The following SLC25A1 variants were observed in gnomAD, a reference collection of about 807,000 sequenced individuals.
The protein encoded by SLC25A1 is tricarboxylate transport protein, mitochondrial.
A neutral mutation model predicts 38.1 loss-of-function variants in SLC25A1; 26 were observed. The ratio of observed to expected loss-of-function variants is 0.68; its 90% confidence interval spans 0.50 to 0.95. The LOEUF is 0.95. Ranked by LOEUF, SLC25A1 falls within the 40% of genes least tolerant of loss-of-function variation. The probability of loss-of-function intolerance (pLI) is 0.00; values close to 1 mark genes in which losing one functional copy is unlikely to be tolerated. For missense variants in SLC25A1, 378 were observed against 426.6 expected, an observed-to-expected ratio of 0.89 and a Z score of 1.00; for synonymous variants, 211 against 183.2, an observed-to-expected ratio of 1.15 and a Z score of -1.23.
chr22:19,176,355 G>T lies in SLC25A1; in HGVS notation c.821+66C>A, dbSNP rs973997873. 3.8e-6 allele frequency: 6 copies of T among 1,569,720 alleles called. No homozygotes were observed. The African/African-American group carries it at 5.4e-5, about 14-fold the overall frequency. On this transcript the variant is annotated intron_variant, in intron 8 of 8. Coordinates refer to ENST00000215882, the MANE Select transcript of SLC25A1 (RefSeq NM_005984.5). ...CACAGAGGCCTGAAGGGGACAGAGT[G>T]GGCAGGCCAGGTAGGCCGGGAAAGG...
chr22:19,177,578 C>T, intron 4 of SLC25A1, 149 bp downstream of exon 4: 2 of 1,092,784 alleles, frequency 1.8e-6, no homozygotes, highest in Admixed American at 5.1e-5. Context: ...GGCGTCCTGC[C>T]CCAGGGCCCC....
chr22:19,178,330 C>A lies in SLC25A1; in HGVS notation c.95-90G>T. The A allele has an allele frequency of 6.6e-7, 1 of 1,518,286 alleles. No homozygotes were observed. The highest frequency in any genetic ancestry group is 8.8e-7 in the Non-Finnish European group (1 of 1,133,994). 94.1% of individuals were successfully genotyped at this position (1,518,286 alleles called of 1,614,324 possible). ...CGTCCCGGACTTCGGTCGGCGCGGC[C>A]GCCGCGCCAGTGCCGCGGGGAACAT... On this transcript the variant is annotated intron_variant, in intron 1 of 8. Transcript: ENST00000215882. This position sits in a 1 kb window ranked among gnomAD's most constrained non-coding sequence, Gnocchi z 4.9.
Position 19,178,004 on chromosome 22 carries a change from G to C in SLC25A1, c.240C>G (p.Val80=), listed in dbSNP as rs1555923151. The change falls in exon 3 of 9, where the codon GTC becomes GTG. Residue 80 remains valine (V), a synonymous_variant. Coordinates refer to ENST00000215882, the MANE Select transcript of SLC25A1 (RefSeq NM_005984.5). The surrounding 1 kb of genome is among the most constrained non-coding windows in gnomAD (Gnocchi z 4.9). ...AGCTAAGGCCGCGGTACAGGCCCAGGACGCCATGGCTGCGAACCGTCTGCC... is the reference window on the plus strand; with the variant it reads ...AGCTAAGGCCGCGGTACAGGCCCAGCACGCCATGGCTGCGAACCGTCTGCC... ...CVRQTVRSHG[V]LGLYRGLSSL... is the part of the protein sequence containing the mutation. The C allele has an allele frequency of 6.2e-7, 1 of 1,602,888 alleles. No individual in the cohort carries two copies. Among genetic ancestry groups the C allele is most frequent in the South Asian group, 1.1e-5 (1 of 89,464 alleles).
chr22:19,177,067 T>C, intron 5 of SLC25A1, 53 bp downstream of exon 5: 1 of 1,585,000 alleles, frequency 6.3e-7, no homozygotes, highest in Non-Finnish European at 8.7e-7. Context: ...GTGCAGGCCC[T>C]TCCCACCCTG....
rs1555922014 is a variant in SLC25A1 at position 19,175,602 on chromosome 22, C to T, written c.*528G>A. The T allele has an allele frequency of 5.2e-6, 1 of 190,942 alleles. No homozygotes were observed. Among genetic ancestry groups the T allele is most frequent in the African/African-American group, 2.4e-5 (1 of 42,368 alleles). 11.8% of individuals were successfully genotyped at this position (190,942 alleles called of 1,614,324 possible). On this transcript the variant is annotated 3_prime_UTR_variant, in exon 9 of 9. Coordinates refer to ENST00000215882, the MANE Select transcript of SLC25A1 (RefSeq NM_005984.5). Reference sequence around the variant, plus strand: ...AGGCTGCAACAGGATCCGGTTTATTCTGCCTTGGCAGGGTGGTCCTGAGAG... The same window carrying T: ...AGGCTGCAACAGGATCCGGTTTATTTTGCCTTGGCAGGGTGGTCCTGAGAG...
At chr22:19,177,310 TC>T in intron 4 of SLC25A1, 106 bp from the exon 5 acceptor site, 1 of 938,838 alleles carries the variant, frequency 1.1e-6, no homozygotes, top group Non-Finnish European at 1.6e-6. Context: ...TGGGAACTCT[TC>T]CCCAGGAAGC....
chr22:19,176,226 G>A lies in SLC25A1; in HGVS notation c.840C>T (p.Val280=). The A allele has an allele frequency of 6.2e-7, 1 of 1,613,124 alleles. No homozygotes were observed. The highest frequency in any genetic ancestry group is 1.1e-5 in the South Asian group (1 of 91,084). ...EGLKAFYKGT[V]PRLGRVCLDV... Reference sequence around the variant, plus strand: ...CCAGGCAGACCCGGCCCAGGCGGGGGACAGTGCCCTTGTAGAATCTGGGTG... The same window carrying A: ...CCAGGCAGACCCGGCCCAGGCGGGGAACAGTGCCCTTGTAGAATCTGGGTG... Residue 280 remains valine (V), a synonymous_variant, in exon 9 of 9, where the codon GTC becomes GTT. Transcript: ENST00000215882.
rs782723670 is a variant in SLC25A1 at position 19,176,137 on chromosome 22, G to A, written c.929C>T (p.Thr310Met). 14 of 1,613,572 alleles carry A rather than the reference G, an allele frequency of 8.7e-6. No individual in the cohort carries two copies. Among genetic ancestry groups the A allele is most frequent in the Admixed American group, 5.0e-5 (3 of 60,016 alleles). ...VVKLLNKVWK[T>M]D is the part of the protein sequence containing the mutation. Reference sequence around the variant, plus strand: ...CTTGCGGCCTCTCTAGGCTTAGTCCGTCTTCCACACTTTGTTGAGCAGCTT... The same window carrying A: ...CTTGCGGCCTCTCTAGGCTTAGTCCATCTTCCACACTTTGTTGAGCAGCTT... The change falls in exon 9 of 9, where the codon ACG (threonine) becomes ATG (methionine). Residue 310 changes from threonine (T) to methionine (M), a missense_variant. By Grantham distance (81) the Thr-to-Met change is moderately conservative. Transcript: ENST00000215882.
At chr22:19,177,076 T>C in intron 5 of SLC25A1, 44 bp downstream of exon 5, 1 of 1,594,188 alleles carries the variant, frequency 6.3e-7, no homozygotes, top group Non-Finnish European at 8.6e-7. Context: ...CTTCCCACCC[T>C]GGCCCAGGTC....
rs994748256 is a variant in SLC25A1 at position 19,177,928 on chromosome 22, C to G, written c.302+14G>C. 1.3e-5 allele frequency: 20 copies of G among 1,589,320 alleles called. No homozygotes were observed. The highest frequency in any genetic ancestry group is 2.6e-6 in the Non-Finnish European group (3 of 1,170,064). ...CGAGCCCCCCTCCCGCAGCAGCCAC[C>G]GGCCGGGCCTCACCTGACGGCCGCC... is the stretch of plus-strand genomic sequence containing the variant. On this transcript the variant is annotated intron_variant, in intron 3 of 8. Coordinates refer to ENST00000215882, the MANE Select transcript of SLC25A1 (RefSeq NM_005984.5).
Position 19,176,566 on chromosome 22 carries a change from CG to C in SLC25A1, c.747+11del. The C allele has an allele frequency of 6.2e-7, 1 of 1,612,820 alleles. No homozygotes were observed. The highest frequency in any genetic ancestry group is 8.5e-7 in the Non-Finnish European group (1 of 1,179,156). Reference sequence around the variant, plus strand: ...TGGTCCCCCCTTCCCCTCCCCTTCCCGGCCCCACCACCTGCATCCGGGTCTT... The same window carrying C: ...TGGTCCCCCCTTCCCCTCCCCTTCCCGCCCCACCACCTGCATCCGGGTCTT... On this transcript the variant is annotated intron_variant, in intron 7 of 8. Coordinates refer to ENST00000215882, the MANE Select transcript of SLC25A1 (RefSeq NM_005984.5).
chr22:19,178,138 C>T lies in SLC25A1; in HGVS notation c.197G>A (p.Gly66Asp). 2 of 1,545,814 alleles carry T rather than the reference C, an allele frequency of 1.3e-6. No individual in the cohort carries two copies. The highest frequency in any genetic ancestry group is 1.7e-6 in the Non-Finnish European group (2 of 1,145,644). ...DERSHPPRYR[G>D]IGDCVRQTVR... ...CGCGGCCTCCCCCTCCTCACCGATG[C>T]CCCGGTACCGCGGCGGGTGCGAGCG... Residue 66 changes from glycine (G) to aspartate (D), a missense_variant, in exon 2 of 9, where the codon GGC becomes GAC. By Grantham distance (94) the Gly-to-Asp change is moderately conservative. Coordinates refer to ENST00000215882, the MANE Select transcript of SLC25A1 (RefSeq NM_005984.5). This position sits in a 1 kb window ranked among gnomAD's most constrained non-coding sequence, Gnocchi z 4.9.
At position 19,177,190 on chromosome 22, in the gene SLC25A1, G is replaced by A. The variant is rs1019558130; in HGVS notation, c.456C>T (p.His152=). Residue 152 remains histidine, a synonymous_variant, in exon 5 of 9, where the codon CAC becomes CAT. Transcript: ENST00000215882. ...PMETIKVKFI[H]DQTSPNPKYR... is the part of the protein sequence containing the mutation. Reference sequence around the variant, plus strand: ...ACTTGGGGTTTGGGGAGGTCTGGTCGTGGATGAACTTCACCTGAGAGAGAG... The same window carrying A: ...ACTTGGGGTTTGGGGAGGTCTGGTCATGGATGAACTTCACCTGAGAGAGAG... 54 of 1,613,808 alleles carry A rather than the reference G, an allele frequency of 3.3e-5. No homozygotes were observed. Among genetic ancestry groups the A allele is most frequent in the Non-Finnish European group, 4.1e-5 (48 of 1,179,870 alleles).
Position 19,178,217 on chromosome 22 carries a change from T to C in SLC25A1, c.118A>G (p.Ile40Val), listed in dbSNP as rs2084001496. The C allele has an allele frequency of 2.6e-6, 4 of 1,550,096 alleles. No homozygotes were observed. Among genetic ancestry groups the C allele is most frequent in the East Asian group, 2.4e-5 (1 of 40,886 alleles). Residue 40 changes from isoleucine to valine, a missense_variant, in exon 2 of 9, where the codon ATC (isoleucine) becomes GTC (valine). Physicochemically the swap from Ile to Val is conservative, Grantham distance 29. Transcript: ENST00000215882. The surrounding 1 kb of genome is among the most constrained non-coding windows in gnomAD (Gnocchi z 4.9). ...LAGGLAGGIE[I>V]CITFPTEYVK... is the part of the protein sequence containing the mutation. ...TACTCGGTGGGGAAGGTGATGCAGA[T>C]CTCGATGCCACCCGCCAGGCCGCCT... is the stretch of plus-strand genomic sequence containing the variant.
chr22:19,177,894 T>G, intron 3 of SLC25A1, 29 bp from the exon 4 acceptor site: 2 of 1,584,178 alleles, frequency 1.3e-6, no homozygotes, highest in Non-Finnish European at 1.7e-6. Context: ...TGAGAGGGGC[T>G]GCCGCGGCCG....
chr22:19,177,498 A>C (rs2083978712), intron 4 of SLC25A1, among the ~76,000 whole-genome samples: 1 of 152,208 alleles, frequency 6.6e-6, no homozygotes, highest in Non-Finnish European at 1.5e-5. Context: ...TGCTTTATAA[A>C]AGTATTTTTT....
Position 19,178,642 on chromosome 22 carries a change from G to A in SLC25A1, c.32C>T (p.Ala11Val), listed in dbSNP as rs1452233973. Residue 11 changes from alanine to valine, a missense_variant, in exon 1 of 9, where the codon GCG becomes GTG. Physicochemically the swap from Ala to Val is moderately conservative, Grantham distance 64 (BLOSUM62 0). Transcript: ENST00000215882. The surrounding 1 kb of genome is among the most constrained non-coding windows in gnomAD (Gnocchi z 4.9). ...CTTCCCGGACGCGGGCGCGGCGGCC[G>A]CCAGAGCGCGCGGGGCGCGGGGCGC... MPAPRAPRALAAAAPASGKAK... is the reference protein window; with the variant it reads MPAPRAPRALVAAAPASGKAK... The A allele has an allele frequency of 1.6e-5, 19 of 1,182,144 alleles. No homozygotes were observed. Among genetic ancestry groups the A allele is most frequent in the Non-Finnish European group, 2.0e-5 (19 of 956,260 alleles). The allele number at this position is 1,182,144 out of a possible 1,614,324, so 73.2% of individuals were successfully genotyped here.
rs2084012308 is a variant in SLC25A1, at chr22:19,178,617, C to T, written c.57G>A (p.Lys19=). The change falls in exon 1 of 9, where the codon AAG becomes AAA. Residue 19 remains lysine (K), a synonymous_variant. Coordinates refer to ENST00000215882, the MANE Select transcript of SLC25A1 (RefSeq NM_005984.5). This position sits in a 1 kb window ranked among gnomAD's most constrained non-coding sequence, Gnocchi z 4.9. ...CCTTCCCCGGGTGCGTCAGCTTGGCCTTCCCGGACGCGGGCGCGGCGGCCG... is the reference window on the plus strand; with the variant it reads ...CCTTCCCCGGGTGCGTCAGCTTGGCTTTCCCGGACGCGGGCGCGGCGGCCG... ...ALAAAAPASG[K]AKLTHPGKAI... The T allele has an allele frequency of 7.5e-6, 9 of 1,203,336 alleles. No homozygotes were observed. Among genetic ancestry groups the T allele is most frequent in the Non-Finnish European group, 7.2e-6 (7 of 969,610 alleles). The allele number at this position is 1,203,336 out of a possible 1,614,324, so 74.5% of individuals were successfully genotyped here.
At chr22:19,176,761 T>G (rs1601398500) in intron 6 of SLC25A1, 68 bp from the exon 7 acceptor site, 3 of 1,592,166 alleles carry the variant, frequency 1.9e-6, no homozygotes, top group Admixed American at 1.7e-5. Context: ...CTTCAAAAGG[T>G]GGGTGCCCGC....
Sources: gnomAD v4.1 joint callset for allele counts (sites outside exome capture counted in the v4.1 genomes callset) on GRCh38, gnomAD v4.1.1 for gene constraint, Gnocchi (gnomAD v3.1) non-coding constraint, MANE v1.5 for transcripts, NCBI Gene and HGNC (gene_info 2026-07-23, HGNC 2026-07-21) for gene names.